The following ADGRG3 variants were observed in gnomAD, a reference collection of about 807,000 sequenced individuals.
ADGRG3 encodes adhesion G protein-coupled receptor G3.
ADGRG3 carries 39 observed loss-of-function variants against 54.3 expected under a neutral mutation model. The observed-to-expected ratio is 0.72, with a 90% CI of 0.56 to 0.94. ADGRG3 has a LOEUF of 0.94. Ranked by LOEUF, ADGRG3 falls within the 40% of genes least tolerant of loss-of-function variation. The pLI is 0.00. For synonymous variants in ADGRG3, 312 were observed against 290.0 expected (o/e 1.08, Z -0.77); for missense variants, 654 against 694.6 (o/e 0.94, Z 0.66).
At chr16:57,685,966 C>G in intron 11 of ADGRG3, 40 bp downstream of exon 11, 1 of 1,601,464 alleles carries the variant, frequency 6.2e-7, no homozygotes, top group Non-Finnish European at 8.5e-7. Flanking sequence ...GCTGTGTTGT[C>G]TGTCCCAGGA....
At chr16:57,667,425 G>A (rs1417356398), upstream of ADGRG3, among the ~76,000 whole-genome samples, 1 of 152,272 alleles carries the variant, frequency 6.6e-6, no homozygotes, top group African/African-American at 2.4e-5. Flanking sequence ...CCTTTAGGCT[G>A]AAGCCCAGGA....
At chr16:57,686,356 A>C (rs1481768433) in intron 11 of ADGRG3, among the ~76,000 whole-genome samples, 2 of 152,060 alleles carry the variant, frequency 1.3e-5, no homozygotes, top group African/African-American at 4.8e-5. Context: ...TCTCGCATGA[A>C]CTCCAAGTGA....
intron 4 of ADGRG3, chr16:57,678,548 T>C (rs1431381220): frequency 1.8e-6 from 1 of 567,398 alleles, no homozygotes; most frequent in Non-Finnish European, 3.2e-6. Context: ...CACACATGAG[T>C]GCCCTTTGGC....
upstream of ADGRG3, chr16:57,668,205 C>A: frequency 1.5e-6 from 1 of 659,958 alleles, no homozygotes; most frequent in South Asian, 1.8e-5. Flanking sequence ...ACCAATGGCG[C>A]CATCGAGCAG....
chr16:57,673,259 C>A lies in ADGRG3; in HGVS notation c.59-62C>A, dbSNP rs2048194699. 3 of 1,523,634 alleles carry A rather than the reference C, an allele frequency of 2.0e-6. No homozygotes were observed. In the African/African-American group the frequency reaches 4.1e-5, roughly 21 times the overall value. The allele number at this position is 1,523,634 out of a possible 1,614,324, so 94.4% of individuals were successfully genotyped here. ...TCTGGAGCCCCAGCTCCTTTCCCTG[C>A]TCCTCATCCTTGCTGCCCATCTTCG... On this transcript the variant is annotated intron_variant, in intron 1 of 11. Coordinates refer to ENST00000333493, the MANE Select transcript of ADGRG3 (RefSeq NM_170776.5).
intron 3 of ADGRG3, 65 bp downstream of exon 3, chr16:57,676,403 A>C: frequency 6.7e-7 from 1 of 1,486,080 alleles, no homozygotes; most frequent in South Asian, 1.2e-5. Flanking sequence ...ATATTTCAAA[A>C]CTCTAAGAGA....
intron 1 of ADGRG3, among the ~76,000 whole-genome samples, chr16:57,668,868 C>A (rs553786287): frequency 6.6e-6 from 1 of 152,330 alleles, no homozygotes; most frequent in African/African-American, 2.4e-5. Flanking sequence ...CATGTCACCC[C>A]ACACCGGCTC....
intron 10 of ADGRG3, among the ~76,000 whole-genome samples, chr16:57,684,726 C>T (rs1217528715): frequency 6.6e-6 from 1 of 152,172 alleles, no homozygotes; most frequent in Non-Finnish European, 1.5e-5. Flanking sequence ...GACCAGGAGG[C>T]AGGATGCCTT....
intron 11 of ADGRG3, chr16:57,686,897 AG>A (rs1375031413): frequency 8.5e-5 from 13 of 152,272 alleles, no homozygotes; most frequent in African/African-American, 3.1e-4. Flanking sequence ...ATCCCAGCAA[AG>A]GGGTAAGAGC....
intron 5 of ADGRG3, 77 bp from the exon 6 acceptor site, chr16:57,679,739 A>C (rs1597770178): frequency 8.7e-7 from 1 of 1,143,400 alleles, no homozygotes; most frequent in Non-Finnish European, 1.3e-6. Flanking sequence ...TCGGGGGAGC[A>C]CACCGTCCTC....
upstream of ADGRG3, among the ~76,000 whole-genome samples, chr16:57,665,759 T>A (rs2048039780): frequency 1.3e-5 from 2 of 152,154 alleles, no homozygotes; most frequent in African/African-American, 4.8e-5. Flanking sequence ...CTCTCTCCCT[T>A]CTGCAGGCTC....
chr16:57,673,079 C>T (rs1268931601), intron 1 of ADGRG3, among the ~76,000 whole-genome samples: 2 of 152,142 alleles, frequency 1.3e-5, no homozygotes, highest in African/African-American at 4.8e-5. Context: ...ATGTGCCAAG[C>T]CTTTTGTACA....
At chr16:57,669,460 G>A (rs771756909) in intron 1 of ADGRG3, among the ~76,000 whole-genome samples, 5 of 152,190 alleles carry the variant, frequency 3.3e-5, no homozygotes, top group East Asian at 1.9e-4. Flanking sequence ...CGGAGCCACC[G>A]ATGGCAGCTG....
intron 2 of ADGRG3, among the ~76,000 whole-genome samples, chr16:57,675,523 C>T (rs1258482971): frequency 6.6e-6 from 1 of 152,110 alleles, no homozygotes; most frequent in Non-Finnish European, 1.5e-5. Context: ...CCCAGCTCCT[C>T]GGGAGGCTGA....
Position 57,679,912 on chromosome 16 carries a change from T to C in ADGRG3, c.667+57T>C, listed in dbSNP as rs567665237. The C allele has an allele frequency of 5.0e-6, 7 of 1,410,380 alleles. 1 individual carries two copies. Among genetic ancestry groups the C allele is most frequent in the South Asian group, 4.6e-5 (4 of 86,966 alleles). The allele number at this position is 1,410,380 out of a possible 1,614,324, so 87.4% of individuals were successfully genotyped here. ...ACAGGAAGGGAGGGTATGGGCTGCA[T>C]TGTGGGGCGGGGCTAGCTCCACTGG... is the stretch of plus-strand genomic sequence containing the variant. On this transcript the variant is annotated intron_variant, in intron 6 of 11. Coordinates refer to ENST00000333493, the MANE Select transcript of ADGRG3 (RefSeq NM_170776.5).
At chr16:57,676,433 C>CTCTCT in intron 3 of ADGRG3, 95 bp downstream of exon 3, 1 of 1,213,618 alleles carries the variant, frequency 8.2e-7, no homozygotes, top group Non-Finnish European at 1.2e-6. Context: ...TGTGATATAA[C>CTCTCT]TAGGGCTTGT....
chr16:57,678,408 C>T (rs2048302572), intron 4 of ADGRG3, 92 bp downstream of exon 4: 1 of 1,294,432 alleles, frequency 7.7e-7, no homozygotes, highest in South Asian at 1.2e-5. Context: ...CCGAGGGATC[C>T]AATGGGGACA....
intron 11 of ADGRG3, among the ~76,000 whole-genome samples, chr16:57,687,250 C>CTT (rs66743360): frequency 1.4e-5 from 2 of 147,030 alleles, no homozygotes; most frequent in African/African-American, 2.5e-5. Flanking sequence ...ATCTCACCAG[C>CTT]TTTTTTTTTT....
intron 8 of ADGRG3, among the ~76,000 whole-genome samples, chr16:57,681,452 A>T (rs565696997): frequency 1.1e-4 from 17 of 152,268 alleles, no homozygotes; most frequent in African/African-American, 3.6e-4. Flanking sequence ...TGGGCGTAGT[A>T]GCTCATGCCT....
Sources: gnomAD v4.1 joint callset for allele counts (sites outside exome capture counted in the v4.1 genomes callset) on GRCh38, gnomAD v4.1.1 for gene constraint, MANE v1.5 for transcripts, NCBI Gene and HGNC (gene_info 2026-07-23, HGNC 2026-07-21) for gene names.